Variants in FAM3C observed in about 807,000 individuals in gnomAD.
The protein encoded by FAM3C is protein FAM3C.
Under a neutral mutation model 32.5 loss-of-function variants are expected in FAM3C, and 15 were observed. The ratio of observed to expected loss-of-function variants is 0.46; its 90% CI spans 0.31 to 0.71. The LOEUF (loss-of-function observed/expected upper bound fraction) is 0.71. Among genes scored for constraint, FAM3C ranks in the 30% least tolerant of loss-of-function variants. The pLI, the probability that FAM3C is intolerant of heterozygous loss-of-function variation, is 0.05. For missense variants in FAM3C, 175 were observed against 274.4 expected, an observed-to-expected ratio of 0.64 and a Z score of 2.56; for synonymous variants, 75 against 86.1, an observed-to-expected ratio of 0.87 and a Z score of 0.72.
intron 5 of FAM3C, chr7:121,364,665 T>G (rs1164691313): frequency 6.5e-6 from 1 of 153,262 alleles, no homozygotes; most frequent in African/African-American, 2.4e-5. Context: ...ATTGTGAACA[T>G]TCTCCTAGTG....
chr7:121,372,790 G>A (rs1413630945), intron 3 of FAM3C, among the ~76,000 whole-genome samples: 1 of 152,124 alleles, frequency 6.6e-6, no homozygotes, highest in Non-Finnish European at 1.5e-5. Flanking sequence ...GAGTATTGTG[G>A]ACAGCCATTT....
intron 5 of FAM3C, among the ~76,000 whole-genome samples, chr7:121,368,536 A>G (rs546778904): frequency 6.6e-6 from 1 of 152,250 alleles, no homozygotes; most frequent in South Asian, 2.1e-4. Flanking sequence ...TGGCCTTCCA[A>G]TTGTCCTCTC....
At chr7:121,375,946 G>C (rs1201621805) in intron 3 of FAM3C, among the ~76,000 whole-genome samples, 1 of 152,168 alleles carries the variant, frequency 6.6e-6, no homozygotes, top group Non-Finnish European at 1.5e-5. Context: ...ACTTGCTTTT[G>C]AGTCAAGTTA....
At chr7:121,352,678 T>C (rs1044374585) in intron 8 of FAM3C, among the ~76,000 whole-genome samples, 1 of 152,244 alleles carries the variant, frequency 6.6e-6, no homozygotes, top group African/African-American at 2.4e-5. Context: ...TGCAGCTTCG[T>C]TTCCTGTGCC....
intron 8 of FAM3C, among the ~76,000 whole-genome samples, chr7:121,359,251 T>C (rs1793875337): frequency 6.6e-6 from 1 of 152,052 alleles, no homozygotes; most frequent in Admixed American, 6.5e-5. Flanking sequence ...TCTAAGATAG[T>C]CTATTGTGCT....
chr7:121,383,675 A>C (rs1794406450), intron 1 of FAM3C, among the ~76,000 whole-genome samples: 1 of 152,230 alleles, frequency 6.6e-6, no homozygotes, highest in South Asian at 2.1e-4. Flanking sequence ...CTTTGATATT[A>C]CTGTAAGATC....
rs200120623 is a variant in FAM3C, at chr7:121,351,637, A to G, written c.468-368T>C. 2.4e-5 allele frequency: 4 copies of G among 165,992 alleles called. No homozygotes were observed. In the East Asian group the frequency reaches 6.7e-4, roughly 28 times the overall value. The allele number at this position is 165,992 out of a possible 1,614,324, so 10.3% of individuals were successfully genotyped here. On this transcript the variant is annotated intron_variant, in intron 8 of 9. Transcript: ENST00000359943. ...AGCAATCAATATTTTTATAAAATTA[A>G]TCTTTTTGAATCTCCACTAAACCCT...
chr7:121,356,232 C>G (rs1793805699), intron 8 of FAM3C, among the ~76,000 whole-genome samples: 1 of 152,110 alleles, frequency 6.6e-6, no homozygotes, highest in South Asian at 2.1e-4. Flanking sequence ...CTGGCCAGAC[C>G]ACATCTGGAA....
At chr7:121,353,332 C>G (rs1426991341) in intron 8 of FAM3C, among the ~76,000 whole-genome samples, 2 of 152,090 alleles carry the variant, frequency 1.3e-5, no homozygotes, top group African/African-American at 2.4e-5. Flanking sequence ...ATGAATAAAC[C>G]AAGCTGATTT....
chr7:121,372,535 A>G (rs2116920809), intron 3 of FAM3C, among the ~76,000 whole-genome samples: 1 of 152,302 alleles, frequency 6.6e-6, no homozygotes, highest in East Asian at 1.9e-4. Context: ...TACGCAAAGA[A>G]AGCCCCAGAG....
chr7:121,387,199 T>C (rs1256351140), intron 1 of FAM3C, among the ~76,000 whole-genome samples: 1 of 152,160 alleles, frequency 6.6e-6, no homozygotes, highest in Non-Finnish European at 1.5e-5. Context: ...ATTATTCTTT[T>C]GATTTTTTTT....
chr7:121,377,534 T>A (rs1352856279), intron 3 of FAM3C, among the ~76,000 whole-genome samples: 1 of 152,206 alleles, frequency 6.6e-6, no homozygotes, highest in Non-Finnish European at 1.5e-5. Flanking sequence ...TAGTCATAGT[T>A]TACTCGATGT....
intron 2 of FAM3C, 102 bp downstream of exon 2, chr7:121,382,855 A>C: frequency 1.2e-6 from 1 of 864,748 alleles, no homozygotes; most frequent in Non-Finnish European, 1.8e-6. Flanking sequence ...ATTTCAGTTT[A>C]ACCTTCTCAA....
At chr7:121,362,779 G>C (rs185443617) in intron 7 of FAM3C, 118 bp downstream of exon 7, 1 of 671,040 alleles carries the variant, frequency 1.5e-6, no homozygotes, top group South Asian at 1.8e-5. Flanking sequence ...CAGAAAGTAA[G>C]GGAAACAAAA....
chr7:121,376,028 C>T (rs1715387371), intron 3 of FAM3C, among the ~76,000 whole-genome samples: 1 of 152,202 alleles, frequency 6.6e-6, no homozygotes, highest in Non-Finnish European at 1.5e-5. Flanking sequence ...GCTTCCAGAG[C>T]AACATGGAAC....
chr7:121,372,218 C>A, intron 3 of FAM3C, 79 bp from the exon 4 acceptor site: 1 of 887,948 alleles, frequency 1.1e-6, no homozygotes, highest in Non-Finnish European at 1.8e-6. Flanking sequence ...TTTAGGTCCA[C>A]AAAAATAAGT....
At chr7:121,365,638 A>T (rs1794009402) in intron 5 of FAM3C, among the ~76,000 whole-genome samples, 1 of 152,116 alleles carries the variant, frequency 6.6e-6, no homozygotes, top group East Asian at 1.9e-4. Context: ...AAAACAAATA[A>T]TAAAATAGAC....
At chr7:121,356,662 A>AG (rs1793816213) in intron 8 of FAM3C, among the ~76,000 whole-genome samples, 1 of 152,192 alleles carries the variant, frequency 6.6e-6, no homozygotes, top group Non-Finnish European at 1.5e-5. Flanking sequence ...CCAGGCTCCA[A>AG]TGCTGCTTTA....
Position 121,395,082 on chromosome 7 carries a change from A to T in FAM3C, c.-42+1080T>A, listed in dbSNP as rs183262582. Among the ~76,000 whole-genome samples, 233 of 152,326 alleles carry T rather than the reference A, an allele frequency of 1.5e-3. 1 individual carries two copies. The highest frequency in any genetic ancestry group is 5.4e-3 in the African/African-American group (224 of 41,568). On this transcript the variant is annotated intron_variant, in intron 1 of 9. Transcript: ENST00000359943. ...TTATTCACTGAGCTGTTGTGAGAATAAATGAGCACACGAAACCATTTGGCA... is the reference window on the plus strand; with the variant it reads ...TTATTCACTGAGCTGTTGTGAGAATTAATGAGCACACGAAACCATTTGGCA...
Sources: gnomAD v4.1 joint callset for allele counts (sites outside exome capture counted in the v4.1 genomes callset) on GRCh38, gnomAD v4.1.1 for gene constraint, MANE v1.5 for transcripts, NCBI Gene and HGNC (gene_info 2026-07-23, HGNC 2026-07-21) for gene names.